The following PIK3C2G variants were observed in gnomAD, a reference collection of about 807,000 sequenced individuals.
PIK3C2G encodes phosphatidylinositol 3-kinase C2 domain-containing subunit gamma.
A neutral mutation model predicts 181.1 loss-of-function variants in PIK3C2G; 168 were observed. The observed-to-expected ratio is 0.93, with a 90% CI of 0.82 to 1.05. The LOEUF is 1.05. PIK3C2G is among the 50% of genes least tolerant of loss of function. The probability of loss-of-function intolerance (pLI) is 0.00; values close to 1 mark genes in which losing one functional copy is unlikely to be tolerated. For synonymous variants in PIK3C2G, 573 were observed against 592.2 expected (o/e 0.97, Z 0.47); for missense variants, 1,869 against 1,732.8 (o/e 1.08, Z -1.40).
intron 24 of PIK3C2G, among the ~76,000 whole-genome samples, chr12:18,516,570 T>A (rs958747954): frequency 4.6e-5 from 7 of 152,132 alleles, no homozygotes; most frequent in African/African-American, 1.4e-4. Flanking sequence ...CCTAGACCTT[T>A]TTCTCTCTCC....
rs1442806682 is a variant in PIK3C2G at position 18,282,402 on chromosome 12, T to C, written c.321T>C (p.Ile107=). The part of the protein sequence containing the change: ...SWHQVSKAPA[I]GFSPSVLPKP... ...ATCAAGTTAGCAAAGCACCAGCAAT[T>C]GGTTTTAGTCCTTCTGTGTTACCAA... The change falls in exon 2 of 33, where the codon ATT becomes ATC. Residue 107 remains isoleucine (I), a synonymous_variant. Coordinates refer to ENST00000538779, the MANE Select transcript of PIK3C2G (RefSeq NM_001288772.2). 1 of 1,613,352 alleles carries C rather than the reference T, an allele frequency of 6.2e-7. No individual in the cohort carries two copies. Among genetic ancestry groups the C allele is most frequent in the South Asian group, 1.1e-5 (1 of 91,074 alleles).
At chr12:18,257,720 T>TGGAAGGAAGGAGGGAG (rs1555136862), upstream of PIK3C2G, among the ~76,000 whole-genome samples, 1 of 135,006 alleles carries the variant, frequency 7.4e-6, no homozygotes, top group Non-Finnish European at 1.6e-5. Flanking sequence ...GACAGGAAGG[T>TGGAAGGAAGGAGGGAG]GGAAGGAAGG....
rs1252905904 is a variant in PIK3C2G, at chr12:18,381,842, G to A, written c.1957G>A (p.Val653Met). ...TCCCGTAGAAATGATAACTCCAGGA[G>A]TGTGGGATGTAAGTCAGCCATCCCC... ...EPPVEMITPG[V>M]WDVSQPSPVT... Residue 653 changes from valine (V) to methionine (M), a missense_variant, in exon 14 of 33, where the codon GTG (valine) becomes ATG (methionine). Coordinates refer to ENST00000538779, the MANE Select transcript of PIK3C2G (RefSeq NM_001288772.2). 6.2e-7 allele frequency: 1 copy of A among 1,613,432 alleles called. No homozygotes were observed. Among genetic ancestry groups the A allele is most frequent in the African/African-American group, 1.3e-5 (1 of 74,910 alleles).
intron 8 of PIK3C2G, among the ~76,000 whole-genome samples, chr12:18,334,798 G>C (rs1006231684): frequency 6.6e-6 from 1 of 151,944 alleles, no homozygotes; most frequent in Non-Finnish European, 1.5e-5. Context: ...GCCATCATAG[G>C]GTTTGTAAAT....
chr12:18,593,926 A>T (rs1384340745), intron 29 of PIK3C2G, among the ~76,000 whole-genome samples: 1 of 151,794 alleles, frequency 6.6e-6, no homozygotes, highest in Admixed American at 6.6e-5. Flanking sequence ...TCTCTTTAGA[A>T]AACAATTAAG....
intron 30 of PIK3C2G, among the ~76,000 whole-genome samples, chr12:18,606,518 A>C (rs1948030318): frequency 6.6e-6 from 1 of 152,094 alleles, no homozygotes; most frequent in African/African-American, 2.4e-5. Flanking sequence ...TTTTTCTTAT[A>C]TTACCATTGC....
At chr12:18,683,335 A>C in the PIK3C2G span, 2 of 1,610,296 alleles carry the variant, frequency 1.2e-6, no homozygotes, top group Middle Eastern at 1.6e-4. Context: ...CTGCAAAAGG[A>C]ATTATATCTA....
chr12:18,276,928 A>T (rs1257050142), intron 1 of PIK3C2G, among the ~76,000 whole-genome samples: 1 of 152,178 alleles, frequency 6.6e-6, no homozygotes, highest in Admixed American at 6.5e-5. Flanking sequence ...GGGAAGTGAA[A>T]CTTCTATAAG....
chr12:18,521,727 G>A (rs780838124), intron 24 of PIK3C2G, among the ~76,000 whole-genome samples: 8 of 152,214 alleles, frequency 5.3e-5, no homozygotes, highest in South Asian at 4.1e-4. Flanking sequence ...GTCGACTGCC[G>A]CCTTTCCCAC....
intron 11 of PIK3C2G, 83 bp downstream of exon 11, chr12:18,346,919 C>A: frequency 2.5e-6 from 2 of 788,646 alleles, no homozygotes; most frequent in Non-Finnish European, 3.8e-6. Context: ...TTCTTATATG[C>A]AGGAGCAAAG....
chr12:18,485,401 A>C (rs1939930111), intron 18 of PIK3C2G, among the ~76,000 whole-genome samples: 1 of 152,182 alleles, frequency 6.6e-6, no homozygotes, highest in Non-Finnish European at 1.5e-5. Flanking sequence ...TGAGTCCACT[A>C]TAATTCACTT....
rs369645886 is a variant in PIK3C2G, at chr12:18,339,762, CA to C, written c.1395+1215del. 1.6e-4 allele frequency among the ~76,000 whole-genome samples: 24 copies of C among 151,922 alleles called. 1 individual carries two copies. The highest frequency in any genetic ancestry group is 5.6e-4 in the African/African-American group (23 of 41,436). ...TAATCCAAAGTTTTGTGTGATTAGA[CA>C]GTAAAAAAATGAATATAGAAATTTA... On this transcript the variant is annotated intron_variant, in intron 9 of 32. Transcript: ENST00000538779.
chr12:18,586,290 T>C (rs1946774216), intron 29 of PIK3C2G, among the ~76,000 whole-genome samples: 1 of 152,116 alleles, frequency 6.6e-6, no homozygotes, highest in Non-Finnish European at 1.5e-5. Context: ...TAGGAGTTAA[T>C]TTTTTGAAAA....
At chr12:18,448,077 T>C (rs1947126327) in intron 18 of PIK3C2G, among the ~76,000 whole-genome samples, 1 of 152,144 alleles carries the variant, frequency 6.6e-6, no homozygotes, top group South Asian at 2.1e-4. Flanking sequence ...TAACGAAGAA[T>C]ATTCAATAAC....
the PIK3C2G span, among the ~76,000 whole-genome samples, chr12:18,669,571 T>C: frequency 4.3e-4 from 66 of 152,196 alleles, no homozygotes; most frequent in African/African-American, 1.5e-3. Context: ...GATTCAGTTG[T>C]TGGTGAGGGC....
intron 7 of PIK3C2G, among the ~76,000 whole-genome samples, chr12:18,324,011 G>C (rs544126964): frequency 1.2e-4 from 19 of 152,014 alleles, no homozygotes; most frequent in African/African-American, 3.9e-4. Flanking sequence ...ATGAGGTCAG[G>C]AGATCGAGAC....
intron 18 of PIK3C2G, among the ~76,000 whole-genome samples, chr12:18,428,692 T>C (rs1945978105): frequency 6.6e-6 from 1 of 152,212 alleles, no homozygotes; most frequent in African/African-American, 2.4e-5. Context: ...TGAAATTGAC[T>C]TAGGCTCACG....
downstream of PIK3C2G, among the ~76,000 whole-genome samples, chr12:18,653,092 C>A (rs967244981): frequency 8.6e-5 from 13 of 151,980 alleles, no homozygotes; most frequent in African/African-American, 3.1e-4. Context: ...TCTCAAAAAG[C>A]ACAGGCTGGA....
intron 10 of PIK3C2G, 59 bp downstream of exon 10, chr12:18,343,419 C>T (rs764120177): frequency 4.6e-5 from 41 of 891,692 alleles, no homozygotes; most frequent in Non-Finnish European, 5.7e-5. Context: ...TTACAGAATC[C>T]AAAATACTTT....
Sources: gnomAD v4.1 joint callset for allele counts (sites outside exome capture counted in the v4.1 genomes callset) on GRCh38, gnomAD v4.1.1 for gene constraint, MANE v1.5 for transcripts, NCBI Gene and HGNC (gene_info 2026-07-23, HGNC 2026-07-21) for gene names.